CTNNA2: variants seen among roughly 807,000 people sequenced by gnomAD.
CTNNA2 encodes catenin alpha 2.
Under a neutral mutation model 101.0 loss-of-function variants are expected in CTNNA2, and 42 were observed. The ratio of observed to expected loss-of-function variants is 0.42; its 90% CI spans 0.32 to 0.54. The LOEUF (loss-of-function observed/expected upper bound fraction) is 0.54. CTNNA2 is among the 20% of genes least tolerant of loss of function. The probability of loss-of-function intolerance (pLI) is 0.14; values close to 1 mark genes in which losing one functional copy is unlikely to be tolerated. For synonymous variants in CTNNA2, 450 were observed against 456.4 expected (o/e 0.99, Z 0.18); for missense variants, 871 against 1,223.1 (o/e 0.71, Z 4.29).
intron 7 of CTNNA2, among the ~76,000 whole-genome samples, chr2:80,370,042 G>A (rs999916602): frequency 6.6e-6 from 1 of 152,140 alleles, no homozygotes; most frequent in African/African-American, 2.4e-5. Flanking sequence ...CAACACAGAT[G>A]CTAAAATATA....
At chr2:79,691,264 A>G (rs1222959772) in intron 2 of CTNNA2, among the ~76,000 whole-genome samples, 1 of 152,030 alleles carries the variant, frequency 6.6e-6, no homozygotes, top group Non-Finnish European at 1.5e-5. Flanking sequence ...AATTTGTTCT[A>G]TATTCCTTTT....
intron 7 of CTNNA2, among the ~76,000 whole-genome samples, chr2:80,112,442 G>T (rs2148863326): frequency 6.6e-6 from 1 of 152,250 alleles, no homozygotes. Context: ...GGACTGTGAT[G>T]GGGATATAAT....
intron 8 of CTNNA2, among the ~76,000 whole-genome samples, chr2:80,408,736 G>T (rs926367552): frequency 3.3e-5 from 5 of 152,188 alleles, no homozygotes; most frequent in Non-Finnish European, 7.3e-5. Context: ...GACTAGGGGT[G>T]GGAGTGAAGA....
At chr2:80,312,336 G>A (rs1677669301) in intron 7 of CTNNA2, among the ~76,000 whole-genome samples, 1 of 152,198 alleles carries the variant, frequency 6.6e-6, no homozygotes, top group Admixed American at 6.5e-5. Context: ...GAGGGCGGGG[G>A]TATGAGCCAG....
At chr2:80,645,278 G>GCT (rs1673949233) in intron 18 of CTNNA2, among the ~76,000 whole-genome samples, 1 of 152,150 alleles carries the variant, frequency 6.6e-6, no homozygotes, top group African/African-American at 2.4e-5. Context: ...AGCTTCTAAA[G>GCT]AAACTGTGAC....
chr2:79,716,524 G>C (rs571393135), intron 2 of CTNNA2, among the ~76,000 whole-genome samples: 1 of 152,144 alleles, frequency 6.6e-6, no homozygotes, highest in African/African-American at 2.4e-5. Context: ...TGTTCTCATC[G>C]TTCAGCTCCC....
chr2:80,435,905 C>T (rs1681983772), intron 9 of CTNNA2, among the ~76,000 whole-genome samples: 1 of 152,192 alleles, frequency 6.6e-6, no homozygotes, highest in South Asian at 2.1e-4. Flanking sequence ...TGACATATTG[C>T]ACACTTGCTA....
chr2:79,441,076 A>T lies in CTNNA2; in HGVS notation c.-134-63978A>T, dbSNP rs973476811. Among the ~76,000 whole-genome samples the T allele has an allele frequency of 3.9e-5, 6 of 152,190 alleles. No homozygotes were observed. The South Asian group carries it at 1.2e-3, about 31-fold the overall frequency. On this transcript the variant is annotated intron_variant, in intron 4 of 21. Transcript: ENST00000466387. ...GGGAGAAAATTCCATCCAGGAACTG[A>T]CTGTTACAAAGGTATTCACACCCCC...
At chr2:80,199,413 T>G (rs1161412312) in intron 7 of CTNNA2, among the ~76,000 whole-genome samples, 1 of 152,178 alleles carries the variant, frequency 6.6e-6, no homozygotes, top group African/African-American at 2.4e-5. Flanking sequence ...ACATTCTTTT[T>G]AATATGGCAG....
intron 7 of CTNNA2, among the ~76,000 whole-genome samples, chr2:80,370,404 A>G (rs1285823128): frequency 6.6e-6 from 1 of 152,100 alleles, no homozygotes; most frequent in East Asian, 1.9e-4. Context: ...TCATATAAAT[A>G]TTGTTCAAAA....
At chr2:79,601,001 AG>A in intron 1 of CTNNA2, among the ~76,000 whole-genome samples, 1 of 152,298 alleles carries the variant, frequency 6.6e-6, no homozygotes, top group African/African-American at 2.4e-5. Flanking sequence ...TATAAATTTT[AG>A]GGGGACACAA....
chr2:80,248,461 C>CT (rs1331318925), intron 7 of CTNNA2, among the ~76,000 whole-genome samples: 2 of 152,178 alleles, frequency 1.3e-5, no homozygotes, highest in African/African-American at 4.8e-5. Flanking sequence ...TAACATCTAA[C>CT]TAAGGGTTTG....
intron 7 of CTNNA2, among the ~76,000 whole-genome samples, chr2:80,102,305 T>C (rs6735759): frequency 0.52 from 78,491 of 151,988 alleles, 22,906 homozygotes; most frequent in African/African-American, 0.75. Flanking sequence ...GGAGAATCCT[T>C]CCACCTTGGC....
At chr2:80,589,229 G>T in intron 14 of CTNNA2, 75 bp from the exon 15 acceptor site, 1 of 1,466,946 alleles carries the variant, frequency 6.8e-7, no homozygotes, top group South Asian at 1.3e-5. Flanking sequence ...TCTGCCATCC[G>T]CAGAAGGCAG....
chr2:80,062,851 G>T (rs567899955), intron 7 of CTNNA2, among the ~76,000 whole-genome samples: 7 of 151,740 alleles, frequency 4.6e-5, no homozygotes, highest in Non-Finnish European at 4.4e-5. Flanking sequence ...GACTACAGGC[G>T]CCCGCCACCA....
At chr2:79,993,128 G>C (rs1272822660) in intron 7 of CTNNA2, among the ~76,000 whole-genome samples, 1 of 152,182 alleles carries the variant, frequency 6.6e-6, no homozygotes, top group Non-Finnish European at 1.5e-5. Context: ...TCACAGAGTG[G>C]TTACTTCCTA....
chr2:80,055,841 G>A (rs1697182151), intron 7 of CTNNA2, among the ~76,000 whole-genome samples: 1 of 152,088 alleles, frequency 6.6e-6, no homozygotes, highest in South Asian at 2.1e-4. Flanking sequence ...AAGCTCAAGA[G>A]AGCTAAGTGC....
intron 7 of CTNNA2, among the ~76,000 whole-genome samples, chr2:80,228,938 T>C (rs1709044886): frequency 6.6e-6 from 1 of 152,198 alleles, no homozygotes; most frequent in African/African-American, 2.4e-5. Flanking sequence ...TCATACCTTT[T>C]ATGCATGCAT....
At chr2:80,160,656 C>G (rs1157696947) in intron 7 of CTNNA2, among the ~76,000 whole-genome samples, 2 of 152,066 alleles carry the variant, frequency 1.3e-5, no homozygotes, top group African/African-American at 4.8e-5. Context: ...GCTGAACTCC[C>G]TTATGAGTTC....
Sources: gnomAD v4.1 joint callset for allele counts (sites outside exome capture counted in the v4.1 genomes callset) on GRCh38, gnomAD v4.1.1 for gene constraint, MANE v1.5 for transcripts, NCBI Gene and HGNC (gene_info 2026-07-23, HGNC 2026-07-21) for gene names.